The following ARFGEF3 variants were observed in gnomAD, a reference collection of about 807,000 sequenced individuals.
ARFGEF3 encodes the protein ARFGEF family member 3, also known as brefeldin A-inhibited guanine nucleotide-exchange protein 3.
Under a neutral mutation model 221.7 loss-of-function variants are expected in ARFGEF3, and 96 were observed. That is an observed-to-expected ratio of 0.43 (90% CI 0.37 to 0.51). ARFGEF3 has a LOEUF of 0.51. Ranked by LOEUF, ARFGEF3 falls within the 20% of genes least tolerant of loss-of-function variation. The probability of loss-of-function intolerance (pLI) is 0.00; values close to 1 mark genes in which losing one functional copy is unlikely to be tolerated. For missense variants in ARFGEF3, 2,410 were observed against 2,789.9 expected (o/e 0.86, Z 3.07); for synonymous variants, 1,145 against 1,126.8 (o/e 1.02, Z -0.32).
At chr6:138,316,249 A>G (rs1779924218) in intron 26 of ARFGEF3, among the ~76,000 whole-genome samples, 1 of 152,200 alleles carries the variant, frequency 6.6e-6, no homozygotes, top group African/African-American at 2.4e-5. Flanking sequence ...ATCATTATGT[A>G]GACATAGTAA....
chr6:138,191,374 G>A (rs1388100976), intron 2 of ARFGEF3, among the ~76,000 whole-genome samples: 1 of 152,136 alleles, frequency 6.6e-6, no homozygotes, highest in East Asian at 1.9e-4. Flanking sequence ...GGCACAGAGT[G>A]GGCAGTCAGT....
At chr6:138,288,184 GACCAGCCTGGGCA>G (rs1779330429) in intron 17 of ARFGEF3, among the ~76,000 whole-genome samples, 1 of 152,204 alleles carries the variant, frequency 6.6e-6, no homozygotes, top group Non-Finnish European at 1.5e-5. Flanking sequence ...AGGAGTTCAA[GACCAGCCTGGGCA>G]ACATAGCAAA....
At chr6:138,224,388 A>G (rs928256577) in intron 4 of ARFGEF3, among the ~76,000 whole-genome samples, 1 of 152,148 alleles carries the variant, frequency 6.6e-6, no homozygotes, top group African/African-American at 2.4e-5. Context: ...TAATTTCCCT[A>G]ACTAGATCAC....
chr6:138,255,337 G>A, intron 9 of ARFGEF3, 99 bp from the exon 10 acceptor site: 1 of 821,004 alleles, frequency 1.2e-6, no homozygotes, highest in Non-Finnish European at 1.9e-6. Context: ...GAAGTAAAGA[G>A]CCGCACTCTT....
intron 8 of ARFGEF3, among the ~76,000 whole-genome samples, chr6:138,248,582 T>C (rs1778527725): frequency 6.6e-6 from 1 of 152,216 alleles, no homozygotes; most frequent in Non-Finnish European, 1.5e-5. Flanking sequence ...ATGGTAGTTA[T>C]GCCAGTTAGT....
In ARFGEF3 at chr6:138,279,995, G is replaced by A. The variant is rs759099042; in HGVS notation, c.2296-4G>A. 9 of 1,613,832 alleles carry A rather than the reference G, an allele frequency of 5.6e-6. No homozygotes were observed. The highest frequency in any genetic ancestry group is 7.6e-6 in the Non-Finnish European group (9 of 1,179,798). ...GGTCACCTTCTCATGCGATCTCTCT[G>A]TAGAAGGACTTCATGAAGCAGGTGC... is the stretch of plus-strand genomic sequence containing the variant. On this transcript the variant is annotated splice_polypyrimidine_tract_variant and splice_region_variant and intron_variant, in intron 13 of 33. Coordinates refer to ENST00000251691, the MANE Select transcript of ARFGEF3 (RefSeq NM_020340.5).
intron 26 of ARFGEF3, among the ~76,000 whole-genome samples, chr6:138,314,280 G>A (rs913143868): frequency 2.6e-5 from 4 of 152,094 alleles, no homozygotes; most frequent in Non-Finnish European, 5.9e-5. Context: ...ACTAACTCAC[G>A]TTCATGATAA....
intron 26 of ARFGEF3, among the ~76,000 whole-genome samples, chr6:138,316,341 C>T (rs894874434): frequency 3.9e-5 from 6 of 151,984 alleles, no homozygotes; most frequent in African/African-American, 1.2e-4. Flanking sequence ...GATATTATTC[C>T]GCTGGTTTTC....
At chr6:138,325,144 T>A (rs949726501) in intron 31 of ARFGEF3, among the ~76,000 whole-genome samples, 1 of 152,256 alleles carries the variant, frequency 6.6e-6, no homozygotes, top group Non-Finnish European at 1.5e-5. Flanking sequence ...GTTTTATGAA[T>A]GTAATTGAAC....
intron 24 of ARFGEF3, 26 bp from the exon 25 acceptor site, chr6:138,311,381 G>T (rs2272889): frequency 0.16 from 238,872 of 1,493,638 alleles, 22,646 homozygotes; most frequent in East Asian, 0.51. Context: ...AACACTGTTG[G>T]TCTCTGTCTC....
chr6:138,293,657 C>T (rs1779454539), intron 19 of ARFGEF3, among the ~76,000 whole-genome samples: 1 of 152,204 alleles, frequency 6.6e-6, no homozygotes, highest in African/African-American at 2.4e-5. Context: ...GAAGCTAATT[C>T]TGAAGATTCC....
At chr6:138,247,368 G>A (rs1055738751) in intron 8 of ARFGEF3, among the ~76,000 whole-genome samples, 9 of 152,120 alleles carry the variant, frequency 5.9e-5, no homozygotes, top group African/African-American at 1.9e-4. Context: ...TTTACCTGTT[G>A]TGTAATAATT....
At chr6:138,292,138 G>T (rs530222022) in intron 19 of ARFGEF3, 85 bp downstream of exon 19, 1 of 1,173,012 alleles carries the variant, frequency 8.5e-7, no homozygotes, top group South Asian at 2.0e-5. Context: ...TGCCAGGGAC[G>T]ACCCATTTGT....
chr6:138,328,120 C>A lies in ARFGEF3; in HGVS notation c.5101C>A (p.Pro1701Thr). 2 of 1,592,766 alleles carry A rather than the reference C, an allele frequency of 1.3e-6. No individual in the cohort carries two copies. Among genetic ancestry groups the A allele is most frequent in the African/African-American group, 1.3e-5 (1 of 74,740 alleles). The change falls in exon 32 of 34, where the codon CCA becomes ACA. Residue 1701 changes from proline (P) to threonine (T), a missense_variant. Pro to Thr is a conservative substitution (Grantham distance 38). This residue lies in a region of ARFGEF3 where 723 missense variants were observed against 991.9 expected (regional missense o/e 0.73). Coordinates refer to ENST00000251691, the MANE Select transcript of ARFGEF3 (RefSeq NM_020340.5). The part of the protein sequence containing the change: ...LIIELPPDEK[P>T]NGHTKKSVSF... ...TATTGAGCTGCCTCCTGATGAAAAA[C>A]CAAATGGACACACCAAGAAAAGGTA...
rs575195903 is a variant in ARFGEF3 at position 138,259,931 on chromosome 6, G to A, written c.1105-1596G>A. ...TCCATCTTTAAAAAAAAAAATTATCGAATTTATTACCAGTGAATATCTAAT... is the reference window on the plus strand; with the variant it reads ...TCCATCTTTAAAAAAAAAAATTATCAAATTTATTACCAGTGAATATCTAAT... On this transcript the variant is annotated intron_variant, in intron 10 of 33. Coordinates refer to ENST00000251691, the MANE Select transcript of ARFGEF3 (RefSeq NM_020340.5). Among the ~76,000 whole-genome samples the A allele has an allele frequency of 5.3e-5, 8 of 151,988 alleles. No homozygotes were observed. The South Asian group carries it at 1.2e-3, about 24-fold the overall frequency.
rs1256128301 is a variant in ARFGEF3, at chr6:138,342,191, GAC to G, written c.*5709_*5710del. Reference sequence around the variant, plus strand: ...CCTGGAGGGCCTTTTTTTAAAATAAGACACAGATTGCTGGGCTCATGGTCAGA... The same window carrying G: ...CCTGGAGGGCCTTTTTTTAAAATAAGACAGATTGCTGGGCTCATGGTCAGA... On this transcript the variant is annotated 3_prime_UTR_variant, in exon 34 of 34. Coordinates refer to ENST00000251691, the MANE Select transcript of ARFGEF3 (RefSeq NM_020340.5). 1 of 152,092 alleles carries G rather than the reference GAC, an allele frequency of 6.6e-6. No homozygotes were observed. Among genetic ancestry groups the G allele is most frequent in the Non-Finnish European group, 1.5e-5 (1 of 68,008 alleles). 9.4% of individuals were successfully genotyped at this position (152,092 alleles called of 1,614,324 possible).
intron 2 of ARFGEF3, among the ~76,000 whole-genome samples, chr6:138,190,871 C>G (rs1239359025): frequency 6.6e-6 from 1 of 152,084 alleles, no homozygotes; most frequent in African/African-American, 2.4e-5. Flanking sequence ...TTTCTTTTTC[C>G]CCTTTAGTCT....
chr6:138,202,307 A>G (rs556425687), intron 2 of ARFGEF3, among the ~76,000 whole-genome samples: 29 of 152,262 alleles, frequency 1.9e-4, no homozygotes, highest in Admixed American at 1.8e-3. Context: ...TTGCATTTTC[A>G]TTATAAATTT....
intron 8 of ARFGEF3, among the ~76,000 whole-genome samples, chr6:138,253,224 A>G (rs1296231596): frequency 6.6e-6 from 1 of 152,192 alleles, no homozygotes; most frequent in East Asian, 1.9e-4. Context: ...ATACCAATGT[A>G]AGATTTAACA....
Sources: gnomAD v4.1 joint callset for allele counts (sites outside exome capture counted in the v4.1 genomes callset) on GRCh38, gnomAD v4.1.1 for gene constraint, gnomAD v4.1.1 regional missense constraint, MANE v1.5 for transcripts, NCBI Gene and HGNC (gene_info 2026-07-23, HGNC 2026-07-21) for gene names.